Variants in RBFOX1 observed in about 807,000 individuals in gnomAD.
RBFOX1 encodes RNA binding protein fox-1 homolog 1.
RBFOX1 carries 8 observed loss-of-function variants against 57.7 expected under a neutral mutation model. The ratio of observed to expected loss-of-function variants is 0.14; its 90% CI spans 0.08 to 0.25. The LOEUF (loss-of-function observed/expected upper bound fraction) is 0.25, where lower values mean the gene tolerates loss of function less well. Among genes scored for constraint, RBFOX1 ranks in the 10% least tolerant of loss-of-function variants. The pLI is 1.00. For synonymous variants in RBFOX1, 326 were observed against 222.4 expected (o/e 1.47, Z -4.15); for missense variants, 611 against 548.5 (o/e 1.11, Z -1.14).
At chr16:6,382,458 C>G (rs1273823780) in intron 2 of RBFOX1, among the ~76,000 whole-genome samples, 1 of 152,176 alleles carries the variant, frequency 6.6e-6, no homozygotes, top group Admixed American at 6.5e-5. Context: ...AGGTCTTCAT[C>G]CTGCTCCTAA....
At chr16:5,564,936 G>T (rs542079383) in intron 2 of RBFOX1, among the ~76,000 whole-genome samples, 2 of 152,146 alleles carry the variant, frequency 1.3e-5, no homozygotes, top group Non-Finnish European at 2.9e-5. Context: ...TGGCAGCCAC[G>T]TGTAGTTTCT....
intron 4 of RBFOX1, among the ~76,000 whole-genome samples, chr16:7,320,279 C>G (rs1018075844): frequency 1.3e-5 from 2 of 152,062 alleles, no homozygotes; most frequent in Admixed American, 6.6e-5. Flanking sequence ...CTCCCTGTAT[C>G]CATGTGTTCT....
intron 3 of RBFOX1, among the ~76,000 whole-genome samples, chr16:5,750,982 C>G (rs529017294): frequency 2.6e-5 from 4 of 152,286 alleles, no homozygotes; most frequent in African/African-American, 9.6e-5. Flanking sequence ...GGAGCTGTTC[C>G]TATTCGGCAA....
chr16:6,756,489 T>A (rs1368573839), intron 3 of RBFOX1, among the ~76,000 whole-genome samples: 1 of 152,084 alleles, frequency 6.6e-6, no homozygotes, highest in Non-Finnish European at 1.5e-5. Context: ...CTAAACAGCT[T>A]TGGCACAACA....
chr16:5,423,792 T>G (rs1487168502), intron 1 of RBFOX1, among the ~76,000 whole-genome samples: 2 of 152,236 alleles, frequency 1.3e-5, no homozygotes, highest in African/African-American at 4.8e-5. Context: ...CTGTTTCGTG[T>G]TGCATCCAAC....
At chr16:6,653,710 A>G (rs1322395654) in intron 2 of RBFOX1, among the ~76,000 whole-genome samples, 2 of 150,662 alleles carry the variant, frequency 1.3e-5, no homozygotes, top group African/African-American at 4.9e-5. Context: ...AAGATGGATG[A>G]ATAGATGAGT....
chr16:6,897,253 C>T (rs943520780), intron 3 of RBFOX1, among the ~76,000 whole-genome samples: 2 of 152,166 alleles, frequency 1.3e-5, no homozygotes, highest in Non-Finnish European at 1.5e-5. Flanking sequence ...CATTCCCCGT[C>T]TTTACTAAAA....
At chr16:7,213,026 C>G (rs767530239) in intron 4 of RBFOX1, among the ~76,000 whole-genome samples, 8 of 152,066 alleles carry the variant, frequency 5.3e-5, no homozygotes, top group Non-Finnish European at 8.8e-5. Context: ...TGTGCCTACC[C>G]TTGCTTTTAT....
At chr16:5,375,576 T>A (rs2065964827) in intron 1 of RBFOX1, among the ~76,000 whole-genome samples, 1 of 151,594 alleles carries the variant, frequency 6.6e-6, no homozygotes, top group South Asian at 2.1e-4. Context: ...GTAAGAAGAG[T>A]CCCACATTCT....
chr16:6,875,022 G>C (rs1021628078), intron 3 of RBFOX1, among the ~76,000 whole-genome samples: 2 of 152,168 alleles, frequency 1.3e-5, no homozygotes, highest in African/African-American at 4.8e-5. Flanking sequence ...AGAAAATGGG[G>C]AGAAGTTGTG....
chr16:6,936,623 A>G (rs940864850), intron 3 of RBFOX1, among the ~76,000 whole-genome samples: 3 of 152,160 alleles, frequency 2.0e-5, no homozygotes, highest in Non-Finnish European at 4.4e-5. Context: ...AAATATTCAC[A>G]GAAGCACTAT....
intron 3 of RBFOX1, among the ~76,000 whole-genome samples, chr16:5,833,013 C>T (rs906035415): frequency 2.0e-5 from 3 of 152,098 alleles, no homozygotes; most frequent in African/African-American, 4.8e-5. Flanking sequence ...AGCCACCAAC[C>T]CCCCAAAATG....
intron 2 of RBFOX1, among the ~76,000 whole-genome samples, chr16:6,528,022 T>C (rs966436771): frequency 1.4e-4 from 22 of 152,174 alleles, no homozygotes; most frequent in African/African-American, 5.3e-4. Flanking sequence ...TGGATTTCTC[T>C]ATGTTGAATT....
At position 5,735,906 on chromosome 16, in the gene RBFOX1, C is replaced by T. The variant is rs1421432599; in HGVS notation, c.319-131397C>T. 3.3e-5 allele frequency among the ~76,000 whole-genome samples: 5 copies of T among 152,076 alleles called. No individual in the cohort carries two copies. The East Asian group carries it at 7.7e-4, about 24-fold the overall frequency. On this transcript the variant is annotated intron_variant, in intron 3 of 19. Transcript: ENST00000641259. Reference sequence around the variant, plus strand: ...ACAAATAAAACAACAACAACAACAACAACAAAACAAATATGTTCATTTGAC... The same window carrying T: ...ACAAATAAAACAACAACAACAACAATAACAAAACAAATATGTTCATTTGAC...
intron 3 of RBFOX1, among the ~76,000 whole-genome samples, chr16:6,728,298 T>C (rs2067710906): frequency 1.3e-5 from 2 of 152,158 alleles, no homozygotes; most frequent in South Asian, 4.1e-4. Context: ...AAGGTTGCAG[T>C]TTACTTATCA....
At chr16:5,996,007 G>A (rs987597756) in intron 4 of RBFOX1, among the ~76,000 whole-genome samples, 3 of 152,082 alleles carry the variant, frequency 2.0e-5, no homozygotes, top group Non-Finnish European at 4.4e-5. Context: ...GTTTTCACAT[G>A]GTGGAAGGAG....
chr16:6,794,326 T>C (rs2083534832), intron 3 of RBFOX1, among the ~76,000 whole-genome samples: 1 of 144,746 alleles, frequency 6.9e-6, no homozygotes, highest in African/African-American at 2.5e-5. Flanking sequence ...CCAATCGGGC[T>C]AATACAAACA....
chr16:5,600,730 A>T (rs988895126), downstream of RBFOX1, among the ~76,000 whole-genome samples: 5 of 152,096 alleles, frequency 3.3e-5, no homozygotes, highest in African/African-American at 1.2e-4. Context: ...TCATTAATGG[A>T]TCATCTGAAA....
intron 3 of RBFOX1, among the ~76,000 whole-genome samples, chr16:6,930,719 G>C (rs567624806): frequency 6.6e-6 from 1 of 152,006 alleles, no homozygotes; most frequent in Non-Finnish European, 1.5e-5. Flanking sequence ...CTAATTCCCC[G>C]TTTTTAAAAT....
Sources: gnomAD v4.1 joint callset for allele counts (sites outside exome capture counted in the v4.1 genomes callset) on GRCh38, gnomAD v4.1.1 for gene constraint, MANE v1.5 for transcripts, NCBI Gene and HGNC (gene_info 2026-07-23, HGNC 2026-07-21) for gene names.